Variants in JAM2 observed in about 807,000 individuals in gnomAD.
The protein encoded by JAM2 is junctional adhesion molecule B.
Under a neutral mutation model 42.0 loss-of-function variants are expected in JAM2, and 17 were observed. The ratio of observed to expected loss-of-function variants is 0.40; its 90% CI spans 0.28 to 0.61. The LOEUF (loss-of-function observed/expected upper bound fraction) is 0.61, where lower values mean the gene tolerates loss of function less well. JAM2 is among the 20% of genes least tolerant of loss of function. The pLI, the probability that JAM2 is intolerant of heterozygous loss-of-function variation, is 0.37. For synonymous variants in JAM2, 118 were observed against 128.6 expected (o/e 0.92, Z 0.56); for missense variants, 319 against 358.3 (o/e 0.89, Z 0.89).
intron 1 of JAM2, among the ~76,000 whole-genome samples, chr21:25,641,214 G>T (rs370214293): frequency 6.6e-6 from 1 of 151,552 alleles, no homozygotes; most frequent in Non-Finnish European, 1.5e-5. Context: ...TGGAGAAATC[G>T]TTAACAGAAC....
At chr21:25,662,384 A>T (rs1395607712) in intron 1 of JAM2, among the ~76,000 whole-genome samples, 2 of 152,136 alleles carry the variant, frequency 1.3e-5, no homozygotes, top group Non-Finnish European at 2.9e-5. Flanking sequence ...CCCTGGGCTC[A>T]AACAGTCCTC....
chr21:25,699,318 T>G (rs947549265), intron 5 of JAM2, among the ~76,000 whole-genome samples: 4 of 152,206 alleles, frequency 2.6e-5, no homozygotes, highest in African/African-American at 9.7e-5. Flanking sequence ...CACTTGTGAC[T>G]TAGGAAAGTG....
In JAM2 at chr21:25,693,884, G is replaced by T; in HGVS notation, c.370G>T (p.Asp124Tyr). 3 of 1,614,190 alleles carry T rather than the reference G, an allele frequency of 1.9e-6. No individual in the cohort carries two copies. The highest frequency in any genetic ancestry group is 2.5e-6 in the Non-Finnish European group (3 of 1,180,020). The change falls in exon 4 of 10, where the codon GAT becomes TAT. Residue 124 changes from aspartate (D) to tyrosine (Y), a missense_variant. Transcript: ENST00000480456. ...PSEQGQNLEE[D>Y]TVTLEVLVAP... ...TGAGCAAGGCCAAAACCTGGAAGAG[G>T]ATACAGTCACTCTGGAAGTATTAGG...
intron 1 of JAM2, among the ~76,000 whole-genome samples, chr21:25,673,214 G>T (rs1296195005): frequency 1.3e-5 from 2 of 151,980 alleles, no homozygotes; most frequent in Non-Finnish European, 2.9e-5. Context: ...AATTTTTTTT[G>T]AAATTTTTGG....
intron 1 of JAM2, among the ~76,000 whole-genome samples, chr21:25,671,681 A>G (rs565658629): frequency 9.5e-4 from 144 of 151,724 alleles, no homozygotes; most frequent in African/African-American, 3.4e-3. Flanking sequence ...AATTTTTTGT[A>G]TTTTTTTAGT....
At chr21:25,653,429 A>G (rs1030064613) in intron 1 of JAM2, among the ~76,000 whole-genome samples, 6 of 152,204 alleles carry the variant, frequency 3.9e-5, no homozygotes, top group African/African-American at 1.2e-4. Flanking sequence ...CACTGCTATA[A>G]GGAACTGCCA....
At chr21:25,706,289 C>A (rs570885868) in intron 7 of JAM2, among the ~76,000 whole-genome samples, 1 of 152,220 alleles carries the variant, frequency 6.6e-6, no homozygotes, top group South Asian at 2.1e-4. Context: ...TCAAGTGATT[C>A]TCATGTCTCA....
At chr21:25,661,552 A>AT (rs11387039) in intron 1 of JAM2, among the ~76,000 whole-genome samples, 131,973 of 151,864 alleles carry the variant, frequency 0.87, 57,472 homozygotes, top group Non-Finnish European at 0.9. Flanking sequence ...TAAAATATGT[A>AT]TTTTTTTATT....
At chr21:25,655,350 ATTTTTTTTT>A (rs751257378) in intron 1 of JAM2, among the ~76,000 whole-genome samples, 3 of 100,238 alleles carry the variant, frequency 3.0e-5, no homozygotes, top group Non-Finnish European at 5.9e-5. Context: ...CTGAAATTCT[ATTTTTTTTT>A]TTTTTTTTTT....
intron 2 of JAM2, among the ~76,000 whole-genome samples, chr21:25,684,288 C>T (rs1209349317): frequency 6.6e-6 from 1 of 152,150 alleles, no homozygotes; most frequent in African/African-American, 2.4e-5. Flanking sequence ...ACTTCAAACT[C>T]CACTCTGTGT....
intron 9 of JAM2, among the ~76,000 whole-genome samples, chr21:25,712,770 G>A (rs755621866): frequency 3.9e-4 from 60 of 152,266 alleles, no homozygotes; most frequent in Middle Eastern, 3.4e-3. Flanking sequence ...CTTCCCTGTA[G>A]CTTGACCAAG....
chr21:25,702,753 TA>T (rs1489821969), intron 6 of JAM2, among the ~76,000 whole-genome samples: 1 of 152,336 alleles, frequency 6.6e-6, no homozygotes, highest in Middle Eastern at 3.4e-3. Context: ...AATTATCATT[TA>T]AAAAAATTCA....
chr21:25,713,678 G>A (rs965001639), intron 9 of JAM2, among the ~76,000 whole-genome samples: 3 of 152,136 alleles, frequency 2.0e-5, no homozygotes, highest in Non-Finnish European at 2.9e-5. Context: ...ACCTTATTTT[G>A]TGGTTTACTA....
At chr21:25,661,991 T>C (rs1477655547) in intron 1 of JAM2, among the ~76,000 whole-genome samples, 5 of 152,206 alleles carry the variant, frequency 3.3e-5, no homozygotes, top group Non-Finnish European at 7.3e-5. Flanking sequence ...TTAAAATCTA[T>C]TTAAGTATTT....
chr21:25,712,973 T>C (rs9989935), intron 9 of JAM2, among the ~76,000 whole-genome samples: 2,874 of 152,316 alleles, frequency 0.019, 95 homozygotes, highest in African/African-American at 0.065. Flanking sequence ...AAGGCACCAG[T>C]AGACTCAATG....
rs533429530 is a variant in JAM2 at position 25,706,999 on chromosome 21, A to G, written c.805+913A>G. Among the ~76,000 whole-genome samples the G allele has an allele frequency of 3.3e-5, 5 of 152,292 alleles. 1 individual carries two copies. Among genetic ancestry groups the G allele is most frequent in the African/African-American group, 9.6e-5 (4 of 41,554 alleles). ...CTGATCCACCCACCTTGGCCTCCCA[A>G]AGTGCTGGGATAACAGGTGTGAGCC... On this transcript the variant is annotated intron_variant, in intron 7 of 9. Transcript: ENST00000480456.
In JAM2 at chr21:25,641,596, T is replaced by G. The variant is rs199993376; in HGVS notation, c.67+1708T>G. ...AGAGTGTTTTCTTTGTATGTGGGTG[T>G]TTTTTTTTTTATGTTTAAAACAATT... On this transcript the variant is annotated intron_variant, in intron 1 of 9. Coordinates refer to ENST00000480456, the MANE Select transcript of JAM2 (RefSeq NM_021219.4). 4.4e-4 allele frequency among the ~76,000 whole-genome samples: 9 copies of G among 20,642 alleles called. 1 individual carries two copies. In the South Asian group the frequency reaches 7.4e-3, roughly 17 times the overall value. 13.5% of individuals were successfully genotyped at this position (20,642 alleles called of 152,430 possible).
Position 25,693,774 on chromosome 21 carries a change from C to G in JAM2, c.260C>G (p.Ala87Gly). ...CTAAAAGGTGATTTTAAAAATCGAG[C>G]TGAGATGATAGATTTCAATATCCGG... ...QTLQGDFKNRAEMIDFNIRIK... is the reference protein window; with the variant it reads ...QTLQGDFKNRGEMIDFNIRIK... The change falls in exon 4 of 10, where the codon GCT becomes GGT. Residue 87 changes from alanine to glycine, a missense_variant. Coordinates refer to ENST00000480456, the MANE Select transcript of JAM2 (RefSeq NM_021219.4). The G allele has an allele frequency of 1.2e-6, 2 of 1,613,656 alleles. No homozygotes were observed. Among genetic ancestry groups the G allele is most frequent in the Non-Finnish European group, 1.7e-6 (2 of 1,179,688 alleles).
At chr21:25,668,038 G>A (rs548757902) in intron 1 of JAM2, among the ~76,000 whole-genome samples, 96 of 152,298 alleles carry the variant, frequency 6.3e-4, no homozygotes, top group African/African-American at 2.2e-3. Flanking sequence ...ACTTGAAGAA[G>A]TGAGGGAGTT....
Sources: allele counts gnomAD v4.1 joint callset (sites outside exome capture counted in the v4.1 genomes callset), GRCh38; gene constraint gnomAD v4.1.1; transcripts MANE v1.5; gene names NCBI Gene and HGNC (gene_info 2026-07-23, HGNC 2026-07-21).